Variants in SGMS2 observed in about 807,000 individuals in gnomAD.
The protein encoded by SGMS2 is sphingomyelin synthase 2.
Under a neutral mutation model 43.8 loss-of-function variants are expected in SGMS2, and 21 were observed. The observed-to-expected ratio is 0.48, with a 90% CI of 0.34 to 0.69. The LOEUF is 0.69. SGMS2 is among the 30% of genes least tolerant of loss of function. The pLI, the probability that SGMS2 is intolerant of heterozygous loss-of-function variation, is 0.01. For missense variants in SGMS2, 384 were observed against 443.2 expected (o/e 0.87, Z 1.20); for synonymous variants, 167 against 160.6 (o/e 1.04, Z -0.30).
chr4:107,847,318 A>G (rs1327992237), intron 1 of SGMS2, among the ~76,000 whole-genome samples: 1 of 152,190 alleles, frequency 6.6e-6, no homozygotes, highest in Non-Finnish European at 1.5e-5. Context: ...ATCCAGTTTC[A>G]GCTTTCTACT....
At chr4:107,855,013 A>T (rs1435741422) in intron 1 of SGMS2, among the ~76,000 whole-genome samples, 1 of 151,856 alleles carries the variant, frequency 6.6e-6, no homozygotes, top group African/African-American at 2.4e-5. Flanking sequence ...AGTTTGGAAA[A>T]TTTTTTCCCC....
intron 5 of SGMS2, among the ~76,000 whole-genome samples, chr4:107,903,822 C>T (rs564899000): frequency 3.0e-4 from 45 of 152,234 alleles, no homozygotes; most frequent in Middle Eastern, 6.8e-3. Flanking sequence ...CCAAATAATT[C>T]GGTTAATGTG....
At chr4:107,900,196 C>G (rs28540030) in intron 4 of SGMS2, among the ~76,000 whole-genome samples, 36,909 of 151,932 alleles carry the variant, frequency 0.24, 6,855 homozygotes, top group African/African-American at 0.53. Flanking sequence ...GTCAGGAAAG[C>G]CTTCTTTAAT....
intron 4 of SGMS2, among the ~76,000 whole-genome samples, chr4:107,902,763 T>G (rs543571029): frequency 5.9e-5 from 9 of 152,316 alleles, no homozygotes; most frequent in Admixed American, 1.3e-4. Flanking sequence ...AATGTTTTGA[T>G]CAGACATTAA....
At chr4:107,836,473 T>A (rs1158571517) in intron 1 of SGMS2, among the ~76,000 whole-genome samples, 1 of 152,228 alleles carries the variant, frequency 6.6e-6, no homozygotes, top group African/African-American at 2.4e-5. Flanking sequence ...TGAATATCAA[T>A]GCCATAAAAT....
intron 2 of SGMS2, among the ~76,000 whole-genome samples, chr4:107,865,084 A>C (rs1728017909): frequency 6.6e-6 from 1 of 152,214 alleles, no homozygotes; most frequent in Non-Finnish European, 1.5e-5. Context: ...ATAATGCCTC[A>C]AGTGATTCAA....
intron 2 of SGMS2, chr4:107,893,552 C>G (rs1730418477): frequency 6.6e-6 from 1 of 152,276 alleles, no homozygotes; most frequent in Non-Finnish European, 1.5e-5. Flanking sequence ...TGCCAAGACA[C>G]TGTCAAGCCT....
chr4:107,879,107 C>CTTT (rs1442655106), intron 2 of SGMS2, among the ~76,000 whole-genome samples: 2 of 83,384 alleles, frequency 2.4e-5, no homozygotes, highest in African/African-American at 1.3e-4. Context: ...TCTACCTGGC[C>CTTT]ATTTTTTTTT....
At chr4:107,867,871 G>A (rs573577688) in intron 2 of SGMS2, 6 of 152,208 alleles carry the variant, frequency 3.9e-5, no homozygotes, top group South Asian at 2.1e-4. Flanking sequence ...TAATCTCTGC[G>A]TCATTCCAAT....
At chr4:107,851,332 TAAGC>T (rs1159447860) in intron 1 of SGMS2, among the ~76,000 whole-genome samples, 3 of 152,044 alleles carry the variant, frequency 2.0e-5, no homozygotes, top group Non-Finnish European at 1.5e-5. Context: ...GAGGCTAGAG[TAAGC>T]AACCTCTTAG....
chr4:107,861,068 C>T (rs1578548014), intron 2 of SGMS2, among the ~76,000 whole-genome samples: 2 of 152,154 alleles, frequency 1.3e-5, no homozygotes, highest in African/African-American at 4.8e-5. Flanking sequence ...CGGTCTCTTT[C>T]GCCTGGCCAT....
intron 5 of SGMS2, among the ~76,000 whole-genome samples, chr4:107,904,912 A>G (rs1731422741): frequency 6.6e-6 from 1 of 151,906 alleles, no homozygotes; most frequent in Admixed American, 6.6e-5. Flanking sequence ...ATTTGAGTTT[A>G]GGATCTTCTC....
intron 1 of SGMS2, among the ~76,000 whole-genome samples, chr4:107,854,250 C>T (rs1727302439): frequency 6.6e-6 from 1 of 152,178 alleles, no homozygotes; most frequent in Non-Finnish European, 1.5e-5. Flanking sequence ...ATGGGACTAT[C>T]TGAAGGAAGA....
At chr4:107,892,130 AT>A (rs1730273784) in intron 2 of SGMS2, among the ~76,000 whole-genome samples, 1 of 146,532 alleles carries the variant, frequency 6.8e-6, no homozygotes, top group South Asian at 2.1e-4. Flanking sequence ...AAAAAACCTC[AT>A]CTTCCCTGTT....
intron 4 of SGMS2, among the ~76,000 whole-genome samples, 190 bp from the exon 5 acceptor site, chr4:107,903,043 T>C (rs565021543): frequency 6.6e-6 from 1 of 151,356 alleles, no homozygotes; most frequent in Admixed American, 6.6e-5. Context: ...ATTTAAAACG[T>C]CAATAAAGCT....
intron 2 of SGMS2, among the ~76,000 whole-genome samples, chr4:107,874,333 T>C (rs892974345): frequency 6.6e-6 from 1 of 152,190 alleles, no homozygotes; most frequent in Non-Finnish European, 1.5e-5. Context: ...TTTGCAACTT[T>C]GTGAACCAGC....
At chr4:107,890,669 C>A (rs1730129357) in intron 2 of SGMS2, among the ~76,000 whole-genome samples, 2 of 133,920 alleles carry the variant, frequency 1.5e-5, no homozygotes, top group Non-Finnish European at 1.6e-5. Context: ...AGCAATACTC[C>A]ACCTCAAAAA....
In SGMS2 at chr4:107,903,324, G is replaced by A. The variant is rs754008335; in HGVS notation, c.665G>A (p.Gly222Glu). 6.2e-7 allele frequency: 1 copy of A among 1,613,848 alleles called. No homozygotes were observed. Among genetic ancestry groups the A allele is most frequent in the Non-Finnish European group, 8.5e-7 (1 of 1,179,788 alleles). ...ATAACTGGATCACATATCTTATGTGGAGACTTCCTCTTCAGCGGTCACACG... is the reference window on the plus strand; with the variant it reads ...ATAACTGGATCACATATCTTATGTGAAGACTTCCTCTTCAGCGGTCACACG... ...LSITGSHILC[G>E]DFLFSGHTVT... is the part of the protein sequence containing the mutation. Residue 222 changes from glycine (G) to glutamate (E), a missense_variant, in exon 5 of 7, where the codon GGA becomes GAA. By Grantham distance (98) the Gly-to-Glu change is moderately conservative. Coordinates refer to ENST00000690982, the MANE Select transcript of SGMS2 (RefSeq NM_001375905.1).
chr4:107,872,728 G>C (rs1728638638), intron 2 of SGMS2, among the ~76,000 whole-genome samples: 1 of 151,966 alleles, frequency 6.6e-6, no homozygotes, highest in African/African-American at 2.4e-5. Context: ...ATTAAAACAT[G>C]CTGCTTATTT....
Sources: allele counts gnomAD v4.1 joint callset (sites outside exome capture counted in the v4.1 genomes callset), GRCh38; gene constraint gnomAD v4.1.1; transcripts MANE v1.5; gene names NCBI Gene and HGNC (gene_info 2026-07-23, HGNC 2026-07-21).